The following SUSD5 variants were observed in gnomAD, a reference collection of about 807,000 sequenced individuals.
SUSD5 encodes the protein sushi domain containing 5, also known as sushi domain-containing protein 5.
A neutral mutation model predicts 29.5 loss-of-function variants in SUSD5; 33 were observed. The observed-to-expected ratio is 1.12, with a 90% CI of 0.85 to 1.49. SUSD5 has a LOEUF of 1.49. Ranked by LOEUF, SUSD5 falls within the 40% of genes most tolerant of loss-of-function variation. The probability of loss-of-function intolerance (pLI) is 0.00; values close to 1 mark genes in which losing one functional copy is unlikely to be tolerated. For synonymous variants in SUSD5, 308 were observed against 325.3 expected (o/e 0.95, Z 0.57); for missense variants, 776 against 800.6 (o/e 0.97, Z 0.37).
intron 3 of SUSD5, among the ~76,000 whole-genome samples, chr3:33,200,501 C>G (rs965770906): frequency 2.0e-5 from 3 of 149,738 alleles, no homozygotes; most frequent in Non-Finnish European, 4.5e-5. Flanking sequence ...GTGGATTTTC[C>G]AGTCCTCCAG....
rs1386648534 is a variant in SUSD5 at position 33,207,798 on chromosome 3, T to C, written c.409+10A>G. The C allele has an allele frequency of 3.8e-6, 6 of 1,592,938 alleles. No homozygotes were observed. The highest frequency in any genetic ancestry group is 5.2e-6 in the Non-Finnish European group (6 of 1,162,540). On this transcript the variant is annotated intron_variant, in intron 3 of 4. Coordinates refer to ENST00000309558, the MANE Select transcript of SUSD5 (RefSeq NM_015551.2). ...CCCTCCAGCACCTTTAAGAAGACTC[T>C]GGCACTGACCTTCATCCTTAATACA...
chr3:33,176,845 G>A (rs2031561351), intron 3 of SUSD5, among the ~76,000 whole-genome samples: 1 of 152,306 alleles, frequency 6.6e-6, no homozygotes, highest in African/African-American at 2.4e-5. Flanking sequence ...TTATGTAAAA[G>A]AGACTATCTT....
chr3:33,199,204 G>C (rs1203544610), intron 3 of SUSD5, among the ~76,000 whole-genome samples: 1 of 139,952 alleles, frequency 7.1e-6, no homozygotes, highest in African/African-American at 2.6e-5. Flanking sequence ...TTTTTTTCTA[G>C]GGGAGAATTT....
intron 3 of SUSD5, among the ~76,000 whole-genome samples, chr3:33,178,620 G>A (rs1159577966): frequency 1.3e-5 from 2 of 152,016 alleles, no homozygotes; most frequent in African/African-American, 4.8e-5. Flanking sequence ...CTAATTTTTT[G>A]TATTTTTAGT....
rs1421674353 is a variant in SUSD5, at chr3:33,187,828, G to T, written c.410-12754C>A. ...CTCCCCCCACCCCACAACAGGCCCC[G>T]GTGTGTGATGTTCCCCTTCCTGTGT... On this transcript the variant is annotated intron_variant, in intron 3 of 4. Transcript: ENST00000309558. Among the ~76,000 whole-genome samples, 60 of 100,408 alleles carry T rather than the reference G, an allele frequency of 6.0e-4. 1 individual carries two copies. The highest frequency in any genetic ancestry group is 0.019 in the Middle Eastern group (2 of 106). The allele number at this position is 100,408 out of a possible 152,430, so 65.9% of individuals were successfully genotyped here.
intron 1 of SUSD5, 113 bp from the exon 2 acceptor site, chr3:33,214,218 C>G (rs2032381886): frequency 5.3e-6 from 5 of 950,620 alleles, no homozygotes; most frequent in Middle Eastern, 2.8e-4. Context: ...CCTGAAGGCC[C>G]AAGTGCAGCA....
At chr3:33,191,020 G>A (rs2031879413) in intron 3 of SUSD5, among the ~76,000 whole-genome samples, 3 of 151,992 alleles carry the variant, frequency 2.0e-5, no homozygotes, top group East Asian at 1.9e-4. Context: ...AGCATATTAT[G>A]TACCCTCTTC....
In SUSD5 at chr3:33,169,897, C is replaced by T. The variant is rs2031387688; in HGVS notation, c.598+4989G>A. On this transcript the variant is annotated intron_variant, in intron 4 of 4. Transcript: ENST00000309558. ...GTCTTCACACTTGGCGGCAGATAGCCCTGTGGCATCTTTTCTTTTCTTTCT... is the reference window on the plus strand; with the variant it reads ...GTCTTCACACTTGGCGGCAGATAGCTCTGTGGCATCTTTTCTTTTCTTTCT... Among the ~76,000 whole-genome samples, 5 of 151,530 alleles carry T rather than the reference C, an allele frequency of 3.3e-5. No individual in the cohort carries two copies. The Admixed American group carries it at 3.3e-4, about 10-fold the overall frequency.
At chr3:33,203,419 C>T (rs986992310) in intron 3 of SUSD5, among the ~76,000 whole-genome samples, 12 of 152,222 alleles carry the variant, frequency 7.9e-5, no homozygotes, top group African/African-American at 2.9e-4. Flanking sequence ...CAATTAGGCC[C>T]TGCAGGGCCA....
intron 4 of SUSD5, among the ~76,000 whole-genome samples, chr3:33,156,699 C>CTG (rs1328083033): frequency 6.6e-6 from 1 of 152,216 alleles, no homozygotes. Flanking sequence ...AGATGGAATG[C>CTG]TGAGGTGTCA....
intron 3 of SUSD5, among the ~76,000 whole-genome samples, chr3:33,180,945 A>G (rs1182183670): frequency 6.6e-6 from 1 of 150,976 alleles, no homozygotes; most frequent in Non-Finnish European, 1.5e-5. Context: ...CAGGCCTTCC[A>G]AAGTGCTGGG....
Position 33,203,890 on chromosome 3 carries a change from G to C in SUSD5, c.409+3918C>G, listed in dbSNP as rs184711069. ...TGTTGTTGTTTTTGCTGTTTTTGGA[G>C]AAGTATGTAGACCATTTGTTGTTGC... On this transcript the variant is annotated intron_variant, in intron 3 of 4. Coordinates refer to ENST00000309558, the MANE Select transcript of SUSD5 (RefSeq NM_015551.2). 5.3e-5 allele frequency among the ~76,000 whole-genome samples: 8 copies of C among 152,216 alleles called. No homozygotes were observed. In the South Asian group the frequency reaches 8.3e-4, roughly 16 times the overall value.
intron 3 of SUSD5, among the ~76,000 whole-genome samples, chr3:33,188,402 C>T (rs1215134111): frequency 6.6e-6 from 1 of 152,214 alleles, no homozygotes; most frequent in Non-Finnish European, 1.5e-5. Context: ...CTCCACAACA[C>T]ACAACCAGCA....
chr3:33,218,714 A>C lies in SUSD5; in HGVS notation c.84T>G (p.Gly28=). 1 of 1,326,944 alleles carries C rather than the reference A, an allele frequency of 7.5e-7. No individual in the cohort carries two copies. Among genetic ancestry groups the C allele is most frequent in the Non-Finnish European group, 9.6e-7 (1 of 1,041,004 alleles). 82.2% of individuals were successfully genotyped at this position (1,326,944 alleles called of 1,614,324 possible). Residue 28 remains glycine (G), a synonymous_variant, in exon 1 of 5, where the codon GGT becomes GGG. Transcript: ENST00000309558. ...CCGCCCGCACCGAAAGGCGCGGCAG[A>C]CCGAGCAGGAGCAGCGCCGCCGCCC... ...GLWAAALLLL[G]LPRLSVRADG...
chr3:33,203,065 C>T (rs1345367047), intron 3 of SUSD5, among the ~76,000 whole-genome samples: 1 of 152,212 alleles, frequency 6.6e-6, no homozygotes, highest in Non-Finnish European at 1.5e-5. Context: ...CTCACCTACA[C>T]TCACGCGGGA....
At chr3:33,182,759 T>C (rs753132683) in intron 3 of SUSD5, among the ~76,000 whole-genome samples, 1 of 152,142 alleles carries the variant, frequency 6.6e-6, no homozygotes, top group Admixed American at 6.6e-5. Context: ...TTTTGATTAG[T>C]GTTAGCATGG....
At chr3:33,174,815 G>A in intron 4 of SUSD5, 71 bp downstream of exon 4, 1 of 1,566,934 alleles carries the variant, frequency 6.4e-7, no homozygotes, top group Non-Finnish European at 8.7e-7. Flanking sequence ...ACCGCATGCA[G>A]CCAGCAGCAG....
Position 33,200,328 on chromosome 3 carries a change from T to C in SUSD5, c.409+7480A>G, listed in dbSNP as rs139045160. Among the ~76,000 whole-genome samples, 817 of 152,342 alleles carry C rather than the reference T, an allele frequency of 5.4e-3. 3 individuals carry two copies. The highest frequency in any genetic ancestry group is 9.6e-3 in the Non-Finnish European group (651 of 68,038). Reference sequence around the variant, plus strand: ...GTAGCTACCCCATTTATGTTATTTTTAAATAGCAGCCTAAGCAGAAATTGG... The same window carrying C: ...GTAGCTACCCCATTTATGTTATTTTCAAATAGCAGCCTAAGCAGAAATTGG... On this transcript the variant is annotated intron_variant, in intron 3 of 4. Coordinates refer to ENST00000309558, the MANE Select transcript of SUSD5 (RefSeq NM_015551.2).
At chr3:33,178,683 C>T in intron 3 of SUSD5, among the ~76,000 whole-genome samples, 1 of 152,114 alleles carries the variant, frequency 6.6e-6, no homozygotes, top group Non-Finnish European at 1.5e-5. Flanking sequence ...CGTGACCTGC[C>T]AGCCTCGGCC....
Sources: gnomAD v4.1 joint callset for allele counts (sites outside exome capture counted in the v4.1 genomes callset) on GRCh38, gnomAD v4.1.1 for gene constraint, MANE v1.5 for transcripts, NCBI Gene and HGNC (gene_info 2026-07-23, HGNC 2026-07-21) for gene names.